The following ULK4 variants were observed in gnomAD, a reference collection of about 807,000 sequenced individuals.
The protein encoded by ULK4 is unc-51 like kinase 4.
ULK4 carries 133 observed loss-of-function variants against 160.6 expected under a neutral mutation model. The ratio of observed to expected loss-of-function variants is 0.83; its 90% confidence interval spans 0.72 to 0.96. The LOEUF is 0.96. ULK4 is among the 40% of genes least tolerant of loss of function. The pLI is 0.00. For synonymous variants in ULK4, 534 were observed against 539.8 expected, an observed-to-expected ratio of 0.99 and a Z score of 0.15; for missense variants, 1,580 against 1,499.5, an observed-to-expected ratio of 1.05 and a Z score of -0.89.
At chr3:41,440,364 C>G (rs1412593706) in intron 34 of ULK4, among the ~76,000 whole-genome samples, 1 of 152,072 alleles carries the variant, frequency 6.6e-6, no homozygotes, top group Non-Finnish European at 1.5e-5. Context: ...CAGGTTTCAT[C>G]AGAAATAAAT....
intron 32 of ULK4, among the ~76,000 whole-genome samples, chr3:41,565,617 C>A (rs562572224): frequency 6.6e-6 from 1 of 152,210 alleles, no homozygotes; most frequent in African/African-American, 2.4e-5. Context: ...GAGTCTCCAA[C>A]AGCATGATGG....
chr3:41,689,231 C>A (rs1314426635), intron 27 of ULK4, among the ~76,000 whole-genome samples: 2 of 152,180 alleles, frequency 1.3e-5, no homozygotes, highest in African/African-American at 2.4e-5. Context: ...GAAAAAACAA[C>A]CTGTTTGTTC....
chr3:41,935,999 G>A (rs1353773933), intron 3 of ULK4, 59 bp from the exon 4 acceptor site: 64 of 1,444,400 alleles, frequency 4.4e-5, no homozygotes, highest in South Asian at 2.4e-4. Context: ...GAGTGCCCCT[G>A]AGAGGTTCCA....
intron 17 of ULK4, among the ~76,000 whole-genome samples, chr3:41,877,351 T>G (rs1697343926): frequency 6.6e-6 from 1 of 151,636 alleles, no homozygotes; most frequent in Non-Finnish European, 1.5e-5. Context: ...TGTTTTTTTT[T>G]GAGACAGAGT....
intron 35 of ULK4, among the ~76,000 whole-genome samples, chr3:41,321,271 A>T (rs2080239950): frequency 6.6e-6 from 1 of 152,304 alleles, no homozygotes; most frequent in Admixed American, 6.5e-5. Flanking sequence ...CATTAGTGTG[A>T]AAAGAGATAG....
intron 12 of ULK4, among the ~76,000 whole-genome samples, chr3:41,902,398 T>G (rs2148793701): frequency 6.6e-6 from 1 of 151,912 alleles, no homozygotes; most frequent in South Asian, 2.1e-4. Flanking sequence ...ACCAACATGG[T>G]GAAACACCAT....
intron 30 of ULK4, among the ~76,000 whole-genome samples, chr3:41,655,861 T>A (rs1302720894): frequency 2.0e-5 from 3 of 152,204 alleles, no homozygotes; most frequent in Non-Finnish European, 2.9e-5. Context: ...GGGCTTTTAC[T>A]TTTACCAGAC....
chr3:41,748,544 A>C (rs879308646), intron 22 of ULK4, among the ~76,000 whole-genome samples: 2 of 152,162 alleles, frequency 1.3e-5, no homozygotes, highest in Non-Finnish European at 2.9e-5. Context: ...ACTTTTAAAG[A>C]CCACTTCATT....
rs1187640251 is a variant in ULK4, at chr3:41,634,413, T to C, written c.3072-18696A>G. On this transcript the variant is annotated intron_variant, in intron 30 of 36. Transcript: ENST00000301831. ...AACAGGAAACAAGATGAAAGAGTTTTATTTACAAATCCTGGGCAAAAAGAG... is the reference window on the plus strand; with the variant it reads ...AACAGGAAACAAGATGAAAGAGTTTCATTTACAAATCCTGGGCAAAAAGAG... 3.3e-5 allele frequency among the ~76,000 whole-genome samples: 5 copies of C among 152,318 alleles called. No individual in the cohort carries two copies. The East Asian group carries it at 9.7e-4, about 29-fold the overall frequency.
chr3:41,697,880 T>A (rs1037928898), intron 27 of ULK4, among the ~76,000 whole-genome samples: 1 of 152,224 alleles, frequency 6.6e-6, no homozygotes, highest in African/African-American at 2.4e-5. Context: ...GGCCTTCAGA[T>A]TCACTCACCA....
At chr3:41,550,780 A>G (rs909065086) in intron 32 of ULK4, among the ~76,000 whole-genome samples, 2 of 152,078 alleles carry the variant, frequency 1.3e-5, no homozygotes, top group African/African-American at 4.8e-5. Context: ...TTTAGATCAT[A>G]TGGACCTAAC....
chr3:41,300,835 G>GA (rs1431447773), intron 35 of ULK4, among the ~76,000 whole-genome samples: 1,821 of 71,262 alleles, frequency 0.026, 192 homozygotes, highest in African/African-American at 0.056. Context: ...TCATTTTACA[G>GA]ATTATATATA....
intron 19 of ULK4, among the ~76,000 whole-genome samples, chr3:41,810,553 A>T (rs1479729338): frequency 2.6e-5 from 4 of 152,142 alleles, no homozygotes; most frequent in Non-Finnish European, 5.9e-5. Flanking sequence ...GGTGGCTCAC[A>T]CCTGTAATCC....
chr3:41,836,105 T>C (rs1308069739), intron 17 of ULK4, 134 bp from the exon 18 acceptor site: 1 of 608,534 alleles, frequency 1.6e-6, no homozygotes, highest in Admixed American at 3.0e-5. Context: ...TTTCAAAATA[T>C]GGGCCTTATA....
At chr3:41,382,089 T>A (rs1231516511) in intron 35 of ULK4, among the ~76,000 whole-genome samples, 3 of 152,182 alleles carry the variant, frequency 2.0e-5, no homozygotes, top group Non-Finnish European at 4.4e-5. Flanking sequence ...AGTCACATTA[T>A]CTAAAAGCTG....
chr3:41,872,556 C>G (rs146222895), intron 17 of ULK4, among the ~76,000 whole-genome samples: 2 of 120,430 alleles, frequency 1.7e-5, no homozygotes, highest in African/African-American at 8.4e-5. Flanking sequence ...GCCAGTTAAA[C>G]GTACAGCTCA....
intron 19 of ULK4, among the ~76,000 whole-genome samples, chr3:41,801,133 A>G (rs1156700813): frequency 6.6e-6 from 1 of 152,198 alleles, no homozygotes; most frequent in Non-Finnish European, 1.5e-5. Flanking sequence ...AAACATAAGG[A>G]GAGAAACAAA....
intron 31 of ULK4, among the ~76,000 whole-genome samples, chr3:41,607,893 A>AC (rs2032461162): frequency 6.6e-6 from 1 of 152,170 alleles, no homozygotes; most frequent in South Asian, 2.1e-4. Context: ...AATATTCAAT[A>AC]CGGTCCCATT....
intron 35 of ULK4, among the ~76,000 whole-genome samples, chr3:41,327,310 T>C (rs992295291): frequency 4.0e-5 from 6 of 151,502 alleles, no homozygotes; most frequent in Non-Finnish European, 8.8e-5. Context: ...CCTGGCCTTT[T>C]AATTTACCTT....
Sources: gnomAD v4.1 joint callset for allele counts (sites outside exome capture counted in the v4.1 genomes callset) on GRCh38, gnomAD v4.1.1 for gene constraint, MANE v1.5 for transcripts, NCBI Gene and HGNC (gene_info 2026-07-23, HGNC 2026-07-21) for gene names.